The following STAC variants were observed in gnomAD, a reference collection of about 807,000 sequenced individuals.
STAC encodes SH3 and cysteine-rich domain-containing protein.
In STAC, 43 loss-of-function variants were observed where a neutral mutation model predicts 48.8. That is an observed-to-expected ratio of 0.88 (90% confidence interval 0.69 to 1.14). STAC has a LOEUF of 1.14. STAC is among the 50% of genes most tolerant of loss of function. The probability of loss-of-function intolerance (pLI) is 0.00; values close to 1 mark genes in which losing one functional copy is unlikely to be tolerated. For missense variants in STAC, 497 were observed against 504.0 expected (o/e 0.99, Z 0.13); for synonymous variants, 193 against 179.5 (o/e 1.07, Z -0.60).
At chr3:36,431,841 T>C (rs1700712814) in intron 1 of STAC, among the ~76,000 whole-genome samples, 1 of 152,174 alleles carries the variant, frequency 6.6e-6, no homozygotes, top group Admixed American at 6.5e-5. Context: ...CTATTACTGC[T>C]TGTCATCTTG....
intron 2 of STAC, among the ~76,000 whole-genome samples, chr3:36,448,767 G>A (rs1445073747): frequency 6.6e-6 from 1 of 151,958 alleles, no homozygotes; most frequent in Non-Finnish European, 1.5e-5. Flanking sequence ...AAAAAGAGGA[G>A]TTTCTTAAAG....
At chr3:36,484,222 C>T (rs1326291132) in intron 3 of STAC, among the ~76,000 whole-genome samples, 3 of 152,196 alleles carry the variant, frequency 2.0e-5, no homozygotes, top group South Asian at 4.1e-4. Context: ...GCTCCTTCAC[C>T]CCCTCCCATC....
chr3:36,453,043 T>C (rs1323253622), intron 2 of STAC, among the ~76,000 whole-genome samples: 3 of 152,250 alleles, frequency 2.0e-5, no homozygotes, highest in Non-Finnish European at 4.4e-5. Context: ...AACCCCATTT[T>C]GGGTACCAGT....
chr3:36,479,169 T>C (rs565226535), intron 2 of STAC, among the ~76,000 whole-genome samples: 1 of 152,206 alleles, frequency 6.6e-6, no homozygotes, highest in Non-Finnish European at 1.5e-5. Flanking sequence ...GTAAAGTAAA[T>C]ATTCTGAACC....
chr3:36,421,330 C>A (rs1559484874), intron 1 of STAC, among the ~76,000 whole-genome samples: 1 of 152,092 alleles, frequency 6.6e-6, no homozygotes, highest in African/African-American at 2.4e-5. Flanking sequence ...GTAACTCTTA[C>A]ATATTGTACC....
chr3:36,435,014 CAG>C (rs1209194517), intron 1 of STAC, among the ~76,000 whole-genome samples: 1 of 152,198 alleles, frequency 6.6e-6, no homozygotes, highest in African/African-American at 2.4e-5. Context: ...GCTTTGGAGA[CAG>C]AGAGATCTGT....
chr3:36,496,345 A>G (rs781713696), intron 6 of STAC, among the ~76,000 whole-genome samples: 4 of 152,194 alleles, frequency 2.6e-5, no homozygotes, highest in Non-Finnish European at 5.9e-5. Flanking sequence ...AACACCCTAC[A>G]TATGTGGTCC....
chr3:36,480,836 C>T (rs1697626888), intron 2 of STAC, among the ~76,000 whole-genome samples: 1 of 152,200 alleles, frequency 6.6e-6, no homozygotes, highest in African/African-American at 2.4e-5. Flanking sequence ...AAAATGTTTT[C>T]ATCAGGCATC....
chr3:36,457,279 G>A (rs1016819064), intron 2 of STAC, among the ~76,000 whole-genome samples: 2 of 152,216 alleles, frequency 1.3e-5, no homozygotes, highest in African/African-American at 2.4e-5. Flanking sequence ...GGTGGATCAA[G>A]TGGTCTTGGA....
chr3:36,534,803 C>A (rs1401731022), intron 10 of STAC, among the ~76,000 whole-genome samples: 3 of 151,880 alleles, frequency 2.0e-5, no homozygotes, highest in Non-Finnish European at 4.4e-5. Flanking sequence ...TCAACTGGGA[C>A]CACAGGTGTG....
intron 10 of STAC, among the ~76,000 whole-genome samples, chr3:36,532,743 T>C (rs972098048): frequency 6.6e-6 from 1 of 152,212 alleles, no homozygotes; most frequent in Non-Finnish European, 1.5e-5. Flanking sequence ...TGTGATGACC[T>C]GTTTTGGGGT....
intron 5 of STAC, among the ~76,000 whole-genome samples, chr3:36,489,472 C>T (rs73067863): frequency 0.11 from 16,748 of 152,250 alleles, 1,146 homozygotes; most frequent in East Asian, 0.3. Context: ...TCTGTCCAAG[C>T]TTCTGGGTCT....
intron 10 of STAC, among the ~76,000 whole-genome samples, chr3:36,529,887 C>T (rs1052965464): frequency 3.3e-5 from 5 of 151,938 alleles, no homozygotes; most frequent in East Asian, 3.9e-4. Flanking sequence ...TTTGGGAGGC[C>T]GAGGAGGGCA....
intron 1 of STAC, among the ~76,000 whole-genome samples, chr3:36,390,476 C>G (rs1452958153): frequency 1.9e-5 from 1 of 53,370 alleles, no homozygotes; most frequent in Non-Finnish European, 4.1e-5. Flanking sequence ...TTTTTTTGTC[C>G]TTTGGTCTCT....
intron 1 of STAC, among the ~76,000 whole-genome samples, chr3:36,410,560 G>A (rs1255898524): frequency 6.6e-6 from 1 of 152,154 alleles, no homozygotes; most frequent in Non-Finnish European, 1.5e-5. Context: ...AGGTTGCCGT[G>A]CTACATGCTG....
chr3:36,519,401 C>A (rs188774031), intron 8 of STAC, among the ~76,000 whole-genome samples: 250 of 152,286 alleles, frequency 1.6e-3, no homozygotes, highest in African/African-American at 5.7e-3. Flanking sequence ...CAATAATTTA[C>A]AGGTAGAAAA....
At chr3:36,544,287 G>A (rs1162853161) in intron 10 of STAC, among the ~76,000 whole-genome samples, 5 of 151,828 alleles carry the variant, frequency 3.3e-5, no homozygotes, top group South Asian at 2.1e-4. Context: ...CTCCTGCCTC[G>A]GCCTCCTGAG....
intron 2 of STAC, among the ~76,000 whole-genome samples, chr3:36,463,312 C>T (rs546164621): frequency 6.6e-6 from 1 of 152,016 alleles, no homozygotes; most frequent in Non-Finnish European, 1.5e-5. Flanking sequence ...CTTTTAATTT[C>T]ATCCTCAGTC....
At chr3:36,416,244 G>A (rs1700316167) in intron 1 of STAC, among the ~76,000 whole-genome samples, 1 of 152,170 alleles carries the variant, frequency 6.6e-6, no homozygotes, top group African/African-American at 2.4e-5. Context: ...GCTGGTGTGG[G>A]AGGATCACTT....
Sources: allele counts gnomAD v4.1 joint callset (sites outside exome capture counted in the v4.1 genomes callset), GRCh38; gene constraint gnomAD v4.1.1; transcripts MANE v1.5; gene names NCBI Gene and HGNC (gene_info 2026-07-23, HGNC 2026-07-21).